CEMIP2: variants seen among roughly 807,000 people sequenced by gnomAD.
CEMIP2 encodes cell surface hyaluronidase CEMIP2.
A neutral mutation model predicts 146.9 loss-of-function variants in CEMIP2; 79 were observed. The observed-to-expected ratio is 0.54, with a 90% CI of 0.45 to 0.65. The LOEUF (loss-of-function observed/expected upper bound fraction) is 0.65, where lower values mean the gene tolerates loss of function less well. Among genes scored for constraint, CEMIP2 ranks in the 30% least tolerant of loss-of-function variants. The pLI, the probability that CEMIP2 is intolerant of heterozygous loss-of-function variation, is 0.00. For missense variants in CEMIP2, 1,596 were observed against 1,696.2 expected, an observed-to-expected ratio of 0.94 and a Z score of 1.04; for synonymous variants, 601 against 606.3, an observed-to-expected ratio of 0.99 and a Z score of 0.13.
chr9:71,705,130 A>T, intron 17 of CEMIP2, among the ~76,000 whole-genome samples: 1 of 115,158 alleles, frequency 8.7e-6, no homozygotes, highest in African/African-American at 2.5e-5. Context: ...AAGAACACAC[A>T]TACAAAAAAA....
intron 17 of CEMIP2, among the ~76,000 whole-genome samples, chr9:71,707,228 T>G (rs917421269): frequency 2.6e-5 from 4 of 152,204 alleles, no homozygotes; most frequent in Non-Finnish European, 5.9e-5. Context: ...TGATTAAGAA[T>G]AAGATAAATG....
intron 20 of CEMIP2, 83 bp from the exon 21 acceptor site, chr9:71,694,690 A>G: frequency 1.2e-6 from 1 of 848,634 alleles, no homozygotes; most frequent in Admixed American, 2.2e-5. Context: ...AATTATAATT[A>G]AAGCCAGTGG....
chr9:71,700,555 CT>C, intron 19 of CEMIP2, 86 bp downstream of exon 19: 3 of 1,400,566 alleles, frequency 2.1e-6, no homozygotes, highest in Non-Finnish European at 1.9e-6. Flanking sequence ...AGCTGCTTCA[CT>C]AAACAGCCGC....
chr9:71,735,125 T>C (rs919797266), intron 5 of CEMIP2, 131 bp from the exon 6 acceptor site: 3 of 1,018,954 alleles, frequency 2.9e-6, no homozygotes, highest in Middle Eastern at 5.6e-4. Context: ...TTTTTACGCA[T>C]GCTACCATGT....
rs775044900 is a variant in CEMIP2, at chr9:71,712,069, C to A, written c.2769+14G>T. 2 of 1,612,036 alleles carry A rather than the reference C, an allele frequency of 1.2e-6. No individual in the cohort carries two copies. The highest frequency in any genetic ancestry group is 3.3e-5 in the Admixed American group (2 of 59,718). ...CACCATAGTCACTACGTAAGAACTA[C>A]AGAACATACTTACATGTGGACCAAA... On this transcript the variant is annotated intron_variant, in intron 16 of 23. Coordinates refer to ENST00000377044, the MANE Select transcript of CEMIP2 (RefSeq NM_013390.3).
intron 4 of CEMIP2, among the ~76,000 whole-genome samples, chr9:71,744,590 C>T (rs1824020207): frequency 6.6e-6 from 1 of 152,222 alleles, no homozygotes; most frequent in Admixed American, 6.5e-5. Context: ...TCTACCCCCT[C>T]AGCCTTTTAA....
Position 71,732,473 on chromosome 9 carries a change from T to A in CEMIP2, c.1441A>T (p.Met481Leu). 6.2e-7 allele frequency: 1 copy of A among 1,613,950 alleles called. No individual in the cohort carries two copies. The highest frequency in any genetic ancestry group is 8.5e-7 in the Non-Finnish European group (1 of 1,179,984). ...HMGEIIDGVD[M>L]RAEVGILTRN... is the part of the protein sequence containing the mutation. The stretch of plus-strand genomic sequence containing the variant: ...GTAAGAATTCCAACCTCAGCTCTCA[T>A]GTCTACACCGTCTATGATCTCACCC... The change falls in exon 7 of 24, where the codon ATG (methionine) becomes TTG (leucine). Residue 481 changes from methionine (M) to leucine (L), a missense_variant. Coordinates refer to ENST00000377044, the MANE Select transcript of CEMIP2 (RefSeq NM_013390.3).
intron 16 of CEMIP2, among the ~76,000 whole-genome samples, chr9:71,710,688 T>A (rs1345370410): frequency 1.3e-5 from 2 of 152,142 alleles, no homozygotes; most frequent in Non-Finnish European, 2.9e-5. Flanking sequence ...CTAAACAGGA[T>A]GCATAGAGAA....
Position 71,734,914 on chromosome 9 carries a change from G to A in CEMIP2, c.1285C>T (p.Pro429Ser), listed in dbSNP as rs1823719497. Residue 429 changes from proline (P) to serine (S), a missense_variant, in exon 6 of 24, where the codon CCT becomes TCT. Pro to Ser is a moderately conservative substitution (Grantham distance 74). Coordinates refer to ENST00000377044, the MANE Select transcript of CEMIP2 (RefSeq NM_013390.3). ...CTTGCGACCACAATCTGGTCTCCAG[G>A]TTTCCAACTACTAACATCATCTAGC... ...NLLDDVSSWK[P>S]GDQIVVASTD... is the part of the protein sequence containing the mutation. 1 of 1,613,102 alleles carries A rather than the reference G, an allele frequency of 6.2e-7. No homozygotes were observed. Among genetic ancestry groups the A allele is most frequent in the Non-Finnish European group, 8.5e-7 (1 of 1,179,930 alleles).
chr9:71,739,263 G>A (rs984081478), intron 5 of CEMIP2, among the ~76,000 whole-genome samples: 2 of 150,246 alleles, frequency 1.3e-5, no homozygotes, highest in African/African-American at 4.9e-5. Flanking sequence ...AGCTATTTGG[G>A]AGGCTGAGGC....
chr9:71,709,472 G>T lies in CEMIP2; in HGVS notation c.2772C>A (p.Val924=). The change falls in exon 17 of 24, where the codon GTC becomes GTA. Residue 924 remains valine, a splice_region_variant and synonymous_variant. Transcript: ENST00000377044. ...NISLVKFGPH[V]SLNVFFGKPG... is the part of the protein sequence containing the mutation. ...GCTTTCCAAAAAAGACATTCAGAGA[G>T]ACCTGACCACAGTGAAAAAGAAAGA... The T allele has an allele frequency of 6.2e-7, 1 of 1,613,950 alleles. No individual in the cohort carries two copies. Among genetic ancestry groups the T allele is most frequent in the Non-Finnish European group, 8.5e-7 (1 of 1,179,902 alleles).
chr9:71,730,788 T>G lies in CEMIP2; in HGVS notation c.1690A>C (p.Arg564=). 1 of 1,614,246 alleles carries G rather than the reference T, an allele frequency of 6.2e-7. No individual in the cohort carries two copies. The highest frequency in any genetic ancestry group is 8.5e-7 in the Non-Finnish European group (1 of 1,180,048). The change falls in exon 8 of 24, where the codon AGA becomes CGA. Residue 564 remains arginine (R), a synonymous_variant. Transcript: ENST00000377044. ...AGGCCGTCCACAAATGTTGCATGTC[T>G]GTATCCTCCTTTATAATCCACGTCA... ...CGDVDYKGGY[R]HATFVDGLSI... is the part of the protein sequence containing the mutation.
At chr9:71,766,660 C>T (rs1018420177) in intron 1 of CEMIP2, among the ~76,000 whole-genome samples, 5 of 152,234 alleles carry the variant, frequency 3.3e-5, no homozygotes, top group Non-Finnish European at 5.9e-5. Flanking sequence ...AAATAATTAA[C>T]TGTGACACAG....
At chr9:71,703,110 G>A (rs1019903060) in intron 18 of CEMIP2, among the ~76,000 whole-genome samples, 1 of 152,232 alleles carries the variant, frequency 6.6e-6, no homozygotes, top group African/African-American at 2.4e-5. Flanking sequence ...AGGATTGGAG[G>A]TGGGGAGACT....
chr9:71,696,508 C>T (rs1822408716), intron 20 of CEMIP2, among the ~76,000 whole-genome samples: 1 of 151,594 alleles, frequency 6.6e-6, no homozygotes, highest in South Asian at 2.1e-4. Flanking sequence ...CAGAGGCTTA[C>T]ACCTGTAATC....
rs548434215 is a variant in CEMIP2 at position 71,700,724 on chromosome 9, C to T, written c.3295G>A (p.Glu1099Lys). ...AGTGAATGCACAGGCTCATATTCTT[C>T]GATTTTGGATAATGAGCCATTCTGC... ...QRQNGSLSKI[E>K]EYEPVHSLEE... Residue 1099 changes from glutamate (E) to lysine (K), a missense_variant, in exon 19 of 24, where the codon GAA (glutamate) becomes AAA (lysine). Glu to Lys is a moderately conservative substitution (Grantham distance 56, BLOSUM62 1). Transcript: ENST00000377044. 35 of 1,613,848 alleles carry T rather than the reference C, an allele frequency of 2.2e-5. No individual in the cohort carries two copies. In the South Asian group the frequency reaches 2.3e-4, roughly 11 times the overall value.
chr9:71,751,879 T>A (rs188857633), intron 1 of CEMIP2, among the ~76,000 whole-genome samples: 1,555 of 151,120 alleles, frequency 0.01, 16 homozygotes, highest in Admixed American at 0.03. Flanking sequence ...CACTTAACGA[T>A]ATAGATTGTG....
At chr9:71,763,586 C>T (rs936442151) in intron 1 of CEMIP2, among the ~76,000 whole-genome samples, 1 of 152,156 alleles carries the variant, frequency 6.6e-6, no homozygotes, top group African/African-American at 2.4e-5. Flanking sequence ...ACATAAAATT[C>T]TTATCAAATA....
At chr9:71,700,191 C>G (rs1822520604) in intron 19 of CEMIP2, among the ~76,000 whole-genome samples, 2 of 152,068 alleles carry the variant, frequency 1.3e-5, no homozygotes, top group Non-Finnish European at 1.5e-5. Flanking sequence ...AAAGATGCAG[C>G]CTAGAGAAAG....
Sources: gnomAD v4.1 joint callset for allele counts (sites outside exome capture counted in the v4.1 genomes callset) on GRCh38, gnomAD v4.1.1 for gene constraint, MANE v1.5 for transcripts, NCBI Gene and HGNC (gene_info 2026-07-23, HGNC 2026-07-21) for gene names.